AGAP1: variants seen among roughly 807,000 people sequenced by gnomAD.
AGAP1 encodes the protein arf-GAP with GTPase, ANK repeat and PH domain-containing protein 1.
In AGAP1, 29 loss-of-function variants were observed where a neutral mutation model predicts 105.3. The ratio of observed to expected loss-of-function variants is 0.28; its 90% CI spans 0.21 to 0.38. AGAP1 has a LOEUF of 0.38. AGAP1 is among the 10% of genes least tolerant of loss of function. The pLI, the probability that AGAP1 is intolerant of heterozygous loss-of-function variation, is 1.00. For synonymous variants in AGAP1, 509 were observed against 485.9 expected, an observed-to-expected ratio of 1.05 and a Z score of -0.63; for missense variants, 998 against 1,165.1, an observed-to-expected ratio of 0.86 and a Z score of 2.09.
intron 1 of AGAP1, among the ~76,000 whole-genome samples, chr2:235,528,507 A>G (rs1942930247): frequency 6.6e-6 from 1 of 152,132 alleles, no homozygotes; most frequent in Non-Finnish European, 1.5e-5. Context: ...GTCGAAGCAC[A>G]GTGTGTGGGA....
chr2:235,650,033 A>T (rs1406454878), intron 1 of AGAP1, among the ~76,000 whole-genome samples: 1 of 152,212 alleles, frequency 6.6e-6, no homozygotes, highest in East Asian at 1.9e-4. Flanking sequence ...TTATGATTAG[A>T]TGGTGATCTT....
chr2:235,827,252 C>T (rs1156380121), intron 9 of AGAP1, among the ~76,000 whole-genome samples: 1 of 152,022 alleles, frequency 6.6e-6, no homozygotes, highest in African/African-American at 2.4e-5. Context: ...TGTTTTTCTC[C>T]AAGTGTTTGA....
At chr2:235,585,174 T>C (rs889175246) in intron 1 of AGAP1, among the ~76,000 whole-genome samples, 9 of 152,128 alleles carry the variant, frequency 5.9e-5, no homozygotes, top group African/African-American at 2.2e-4. Flanking sequence ...ACAGCATAGA[T>C]TTATTACAGT....
In AGAP1 at chr2:236,061,141, TA is replaced by T. The variant is rs1222837213; in HGVS notation, c.2114+11863del. Reference sequence around the variant, plus strand: ...CTCCAGAAAATATAAAAATGGCCAGTAAATACATGAAAAGATGCCTAATGTC... The same window carrying T: ...CTCCAGAAAATATAAAAATGGCCAGTAATACATGAAAAGATGCCTAATGTC... On this transcript the variant is annotated intron_variant, in intron 16 of 17. Transcript: ENST00000304032. This position sits in a 1 kb window ranked among gnomAD's most constrained non-coding sequence, Gnocchi z 4.1. Among the ~76,000 whole-genome samples the T allele has an allele frequency of 2.0e-5, 3 of 152,068 alleles. No individual in the cohort carries two copies. Among genetic ancestry groups the T allele is most frequent in the African/African-American group, 7.2e-5 (3 of 41,410 alleles).
intron 9 of AGAP1, among the ~76,000 whole-genome samples, chr2:235,815,118 C>T (rs1263108357): frequency 6.6e-6 from 1 of 152,158 alleles, no homozygotes; most frequent in African/African-American, 2.4e-5. Flanking sequence ...CTCCCCTTTC[C>T]CATATGAGAA....
Position 235,754,450 on chromosome 2 carries a change from G to T in AGAP1, c.673+3962G>T, listed in dbSNP as rs1953741100. 6.6e-6 allele frequency among the ~76,000 whole-genome samples: 1 copy of T among 151,018 alleles called. No individual in the cohort carries two copies. Among genetic ancestry groups the T allele is most frequent in the South Asian group, 2.1e-4 (1 of 4,802 alleles). On this transcript the variant is annotated intron_variant, in intron 6 of 17. Coordinates refer to ENST00000304032, the MANE Select transcript of AGAP1 (RefSeq NM_001037131.3). This position sits in a 1 kb window ranked among gnomAD's most constrained non-coding sequence, Gnocchi z 4.6. ...ATAAAAAAAAAAAAAAAATCCAGCT[G>T]CTTCCATTGCCCTGCGGAGGCCATG...
chr2:235,948,107 G>T (rs182223390), intron 12 of AGAP1, among the ~76,000 whole-genome samples: 5 of 150,634 alleles, frequency 3.3e-5, no homozygotes, highest in Admixed American at 3.3e-4. Context: ...TGTTTTACCT[G>T]TTCCATTTCA....
intron 12 of AGAP1, among the ~76,000 whole-genome samples, chr2:235,939,070 G>T (rs112831050): frequency 1.3e-5 from 2 of 152,134 alleles, no homozygotes; most frequent in African/African-American, 4.8e-5. Context: ...GACAAAATCT[G>T]ATCCTGATTC....
chr2:235,683,866 G>A (rs1174617267), intron 1 of AGAP1, among the ~76,000 whole-genome samples: 3 of 90,480 alleles, frequency 3.3e-5, no homozygotes, highest in African/African-American at 5.6e-5. Flanking sequence ...TCCCCCGCCC[G>A]GCCCCAGTGT....
chr2:235,563,602 G>A (rs112953586), intron 1 of AGAP1, among the ~76,000 whole-genome samples: 1,854 of 135,602 alleles, frequency 0.014, 19 homozygotes, highest in South Asian at 0.03. Context: ...GGGGGGTGGG[G>A]GGACTTGGAT....
intron 1 of AGAP1, among the ~76,000 whole-genome samples, chr2:235,564,443 C>A (rs1236484877): frequency 6.6e-6 from 1 of 152,230 alleles, no homozygotes; most frequent in Non-Finnish European, 1.5e-5. Context: ...GACTAGCTCC[C>A]TGCAAATTCC....
rs181333506 is a variant in AGAP1, at chr2:235,804,292, T to C, written c.958-2947T>C. Among the ~76,000 whole-genome samples the C allele has an allele frequency of 5.7e-3, 865 of 152,324 alleles. 11 individuals are homozygous for C. The highest frequency in any genetic ancestry group is 0.02 in the African/African-American group (821 of 41,556). ...AGCTTTATAATAACGATGTTATTTATGTGATATTTTTAAAAAGCTTACCAT... is the reference window on the plus strand; with the variant it reads ...AGCTTTATAATAACGATGTTATTTACGTGATATTTTTAAAAAGCTTACCAT... On this transcript the variant is annotated intron_variant, in intron 8 of 17. Coordinates refer to ENST00000304032, the MANE Select transcript of AGAP1 (RefSeq NM_001037131.3).
At position 235,686,631 on chromosome 2, in the gene AGAP1, A is replaced by C. The variant is rs1439776621; in HGVS notation, c.164-22548A>C. Among the ~76,000 whole-genome samples, 3 of 48,886 alleles carry C rather than the reference A, an allele frequency of 6.1e-5. 1 individual carries two copies. The highest frequency in any genetic ancestry group is 2.1e-4 in the African/African-American group (2 of 9,414). The allele number at this position is 48,886 out of a possible 152,430, so 32.1% of individuals were successfully genotyped here. A position where few individuals can be genotyped will look rare whatever the true frequency, so the allele number is the denominator to read the frequency against. ...TACGTGGAGATATAGATATATATAT[A>C]TATATATATATATAGATATATATAT... On this transcript the variant is annotated intron_variant, in intron 1 of 17. Coordinates refer to ENST00000304032, the MANE Select transcript of AGAP1 (RefSeq NM_001037131.3).
chr2:235,644,775 CCT>C (rs943862436), intron 1 of AGAP1, among the ~76,000 whole-genome samples: 1 of 152,120 alleles, frequency 6.6e-6, no homozygotes, highest in African/African-American at 2.4e-5. Context: ...ATTGGGAACC[CCT>C]GTTACTGATG....
At chr2:235,812,701 T>G (rs987053558) in intron 9 of AGAP1, among the ~76,000 whole-genome samples, 17 of 152,190 alleles carry the variant, frequency 1.1e-4, no homozygotes, top group African/African-American at 3.4e-4. Context: ...GGCAGTGCCC[T>G]TCCTTCAGGG....
At chr2:235,648,518 G>A (rs751690909) in intron 1 of AGAP1, among the ~76,000 whole-genome samples, 6 of 152,016 alleles carry the variant, frequency 3.9e-5, no homozygotes, top group Non-Finnish European at 7.4e-5. Context: ...GTGGAAAGAG[G>A]GTTTTCTATT....
chr2:235,654,709 A>C (rs964216417), intron 1 of AGAP1, among the ~76,000 whole-genome samples: 8 of 152,196 alleles, frequency 5.3e-5, no homozygotes, highest in Non-Finnish European at 1.0e-4. Flanking sequence ...AATCATACCC[A>C]CAGGATTTCT....
At position 235,934,663 on chromosome 2, in the gene AGAP1, A is replaced by G. The variant is rs2052899206; in HGVS notation, c.1483+3740A>G. ...TCTTTCTTCTTAAGTTGCCGGTGAT[A>G]TAAGTCCCCCCTGCCCCCACTTCCT... On this transcript the variant is annotated intron_variant, in intron 12 of 17. Transcript: ENST00000304032. The surrounding 1 kb of genome is among the most constrained non-coding windows in gnomAD (Gnocchi z 4.9). 6.6e-6 allele frequency among the ~76,000 whole-genome samples: 1 copy of G among 152,184 alleles called. No individual in the cohort carries two copies. The highest frequency in any genetic ancestry group is 2.4e-5 in the African/African-American group (1 of 41,440).
chr2:235,933,811 A>G (rs372155850), intron 12 of AGAP1, among the ~76,000 whole-genome samples: 9 of 152,310 alleles, frequency 5.9e-5, no homozygotes, highest in East Asian at 3.9e-4. Context: ...GATTACAGGC[A>G]TGAGCCACCG....
Sources: allele counts gnomAD v4.1 joint callset (sites outside exome capture counted in the v4.1 genomes callset), GRCh38; gene constraint gnomAD v4.1.1; non-coding constraint Gnocchi (gnomAD v3.1); transcripts MANE v1.5; gene names NCBI Gene and HGNC (gene_info 2026-07-23, HGNC 2026-07-21).